TMEM132B: variants seen among roughly 807,000 people sequenced by gnomAD.
TMEM132B encodes the protein transmembrane protein 132B.
In TMEM132B, 18 loss-of-function variants were observed where a neutral mutation model predicts 90.8. That is an observed-to-expected ratio of 0.20 (90% CI 0.14 to 0.29). TMEM132B has a LOEUF of 0.29. Among genes scored for constraint, TMEM132B ranks in the 10% least tolerant of loss-of-function variants. The probability of loss-of-function intolerance (pLI) is 1.00; values close to 1 mark genes in which losing one functional copy is unlikely to be tolerated. For missense variants in TMEM132B, 1,096 were observed against 1,326.8 expected, an observed-to-expected ratio of 0.83 and a Z score of 2.70; for synonymous variants, 504 against 523.3, an observed-to-expected ratio of 0.96 and a Z score of 0.50.
intron 1 of TMEM132B, among the ~76,000 whole-genome samples, chr12:125,291,586 C>T (rs143476579): frequency 4.6e-5 from 7 of 152,202 alleles, no homozygotes; most frequent in Non-Finnish European, 1.0e-4. Context: ...CCTCCAAGCG[C>T]AAGGACCTAT....
chr12:125,467,653 A>T lies in TMEM132B; in HGVS notation c.1107-51786A>T, dbSNP rs1047110983. 1.4e-4 allele frequency among the ~76,000 whole-genome samples: 22 copies of T among 152,360 alleles called. No individual in the cohort carries two copies. In the East Asian group the frequency reaches 4.2e-3, roughly 29 times the overall value. On this transcript the variant is annotated intron_variant, in intron 3 of 8. Transcript: ENST00000682704. ...TTCAACATTTTAAAGTGTACAGTTCAGTGGTATTTAGTATATTCACATTGC... is the reference window on the plus strand; with the variant it reads ...TTCAACATTTTAAAGTGTACAGTTCTGTGGTATTTAGTATATTCACATTGC...
intron 4 of TMEM132B, among the ~76,000 whole-genome samples, chr12:125,575,084 T>TATATATATATATATATATA (rs1160167639): frequency 5.1e-5 from 1 of 19,648 alleles, no homozygotes; most frequent in Non-Finnish European, 1.5e-4. Flanking sequence ...ATATATATAT[T>TATATATATATATATATATA]CAGGAGTAGA....
intron 3 of TMEM132B, among the ~76,000 whole-genome samples, chr12:125,467,591 G>A (rs1881600938): frequency 6.6e-6 from 1 of 152,168 alleles, no homozygotes; most frequent in African/African-American, 2.4e-5. Flanking sequence ...TTTGTTTTGT[G>A]TAATTTTTAA....
intron 1 of TMEM132B, among the ~76,000 whole-genome samples, chr12:125,214,001 C>T (rs1429616881): frequency 2.0e-5 from 3 of 152,192 alleles, no homozygotes; most frequent in Non-Finnish European, 4.4e-5. Flanking sequence ...AACAATAGTA[C>T]CCCTTCGTCA....
intron 2 of TMEM132B, among the ~76,000 whole-genome samples, chr12:125,411,390 G>C (rs1290501977): frequency 1.3e-5 from 2 of 151,234 alleles, no homozygotes; most frequent in African/African-American, 2.4e-5. Flanking sequence ...GGGAGGGAGA[G>C]CATTAGGAGA....
At chr12:125,453,082 C>G (rs56863231) in intron 3 of TMEM132B, among the ~76,000 whole-genome samples, 28,657 of 110,904 alleles carry the variant, frequency 0.26, 2,814 homozygotes, top group East Asian at 0.41. Flanking sequence ...GTAAAACACA[C>G]ACACACACAC....
intron 1 of TMEM132B, among the ~76,000 whole-genome samples, chr12:125,270,115 TGTGTG>T (rs1874797795): frequency 1.5e-5 from 1 of 66,070 alleles, no homozygotes; most frequent in African/African-American, 4.7e-5. Context: ...ATCTTTGTTG[TGTGTG>T]TGTGTGTGTG....
intron 4 of TMEM132B, among the ~76,000 whole-genome samples, chr12:125,537,563 G>A (rs1158293438): frequency 6.6e-6 from 1 of 152,178 alleles, no homozygotes; most frequent in African/African-American, 2.4e-5. Flanking sequence ...AGAGGAAGGA[G>A]GACGTGTGTT....
Position 125,322,274 on chromosome 12 carries a change from C to T in TMEM132B, c.68-27178C>T, listed in dbSNP as rs569111119. On this transcript the variant is annotated intron_variant, in intron 1 of 8. Transcript: ENST00000682704. Reference sequence around the variant, plus strand: ...CCCCTGCACACACTCTCTTGCCTGCCGCCATGTAAGATGTGCCTTTGTTCC... The same window carrying T: ...CCCCTGCACACACTCTCTTGCCTGCTGCCATGTAAGATGTGCCTTTGTTCC... Among the ~76,000 whole-genome samples, 13 of 152,330 alleles carry T rather than the reference C, an allele frequency of 8.5e-5. No individual in the cohort carries two copies. The South Asian group carries it at 1.2e-3, about 15-fold the overall frequency.
chr12:125,545,561 G>A (rs1281809542), intron 4 of TMEM132B, among the ~76,000 whole-genome samples: 1 of 152,194 alleles, frequency 6.6e-6, no homozygotes, highest in Non-Finnish European at 1.5e-5. Context: ...ACACCGTCCT[G>A]TTTTAGCCGA....
At chr12:125,192,157 G>A (rs541467433) in intron 1 of TMEM132B, among the ~76,000 whole-genome samples, 3 of 152,244 alleles carry the variant, frequency 2.0e-5, no homozygotes, top group Admixed American at 6.5e-5. Flanking sequence ...TTTATTTCAC[G>A]GATTCTTCAA....
In TMEM132B at chr12:125,349,048, G is replaced by A. The variant is rs1055083226; in HGVS notation, c.68-404G>A. ...GCAGCATAAATATCAAAGTAATAAG[G>A]CACTAACGTGTCACATACAATGGTG... On this transcript the variant is annotated intron_variant, in intron 1 of 8. Transcript: ENST00000682704. The surrounding 1 kb of genome is among the most constrained non-coding windows in gnomAD (Gnocchi z 4.1). Among the ~76,000 whole-genome samples, 2 of 152,210 alleles carry A rather than the reference G, an allele frequency of 1.3e-5. No homozygotes were observed. Among genetic ancestry groups the A allele is most frequent in the Non-Finnish European group, 2.9e-5 (2 of 68,040 alleles).
chr12:125,639,670 T>C (rs1886579564), intron 5 of TMEM132B, among the ~76,000 whole-genome samples: 1 of 152,212 alleles, frequency 6.6e-6, no homozygotes, highest in Admixed American at 6.5e-5. Flanking sequence ...AGTGACATGA[T>C]ATAAGCAATA....
intron 1 of TMEM132B, among the ~76,000 whole-genome samples, chr12:125,333,635 G>A (rs577311673): frequency 1.3e-5 from 2 of 152,304 alleles, no homozygotes; most frequent in East Asian, 1.9e-4. Context: ...ACTGTGGTGA[G>A]CTTTAGGATG....
intron 1 of TMEM132B, among the ~76,000 whole-genome samples, chr12:125,189,810 G>A (rs1369234984): frequency 1.3e-5 from 2 of 152,178 alleles, no homozygotes; most frequent in Non-Finnish European, 2.9e-5. Flanking sequence ...TGGGAGTCTG[G>A]GGTGGGGGTG....
Position 125,251,298 on chromosome 12 carries a change from A to G in TMEM132B, c.67+64432A>G, listed in dbSNP as rs934575716. 6.6e-6 allele frequency among the ~76,000 whole-genome samples: 1 copy of G among 152,266 alleles called. No homozygotes were observed. Among genetic ancestry groups the G allele is most frequent in the Non-Finnish European group, 1.5e-5 (1 of 68,038 alleles). ...TGGGCTGAACCAGCCAGTTTTAAAC[A>G]TTCAATATTAAATACCATGAAATAG... is the stretch of plus-strand genomic sequence containing the variant. On this transcript the variant is annotated intron_variant, in intron 1 of 8. Transcript: ENST00000682704. The surrounding 1 kb of genome is among the most constrained non-coding windows in gnomAD (Gnocchi z 4.4).
rs140857249 is a variant in TMEM132B, at chr12:125,525,531, A to G, written c.1293+5906A>G. Among the ~76,000 whole-genome samples, 65 of 152,378 alleles carry G rather than the reference A, an allele frequency of 4.3e-4. No homozygotes were observed. The South Asian group carries it at 6.4e-3, about 15-fold the overall frequency. ...GCACCATCTTGGAAGCAAAGAGACC[A>G]GATCTTCAGCAGACACTGACCTTGC... On this transcript the variant is annotated intron_variant, in intron 4 of 8. Transcript: ENST00000682704.
intron 5 of TMEM132B, among the ~76,000 whole-genome samples, chr12:125,612,927 TAAAA>T (rs1221711040): frequency 0.11 from 2 of 18 alleles, no homozygotes; most frequent in African/African-American, 0.5. Context: ...ATTTATATAT[TAAAA>T]ATATATATCA....
At chr12:125,234,872 T>C (rs1873899107) in intron 1 of TMEM132B, among the ~76,000 whole-genome samples, 1 of 152,084 alleles carries the variant, frequency 6.6e-6, no homozygotes, top group Admixed American at 6.6e-5. Flanking sequence ...GTGCAGGCTG[T>C]TGTGGGGATA....
Sources: allele counts gnomAD v4.1 joint callset (sites outside exome capture counted in the v4.1 genomes callset), GRCh38; gene constraint gnomAD v4.1.1; non-coding constraint Gnocchi (gnomAD v3.1); transcripts MANE v1.5; gene names NCBI Gene and HGNC (gene_info 2026-07-23, HGNC 2026-07-21).